Variants in GLRA1 observed in about 807,000 individuals in gnomAD.
GLRA1 encodes glycine receptor subunit alpha-1.
Under a neutral mutation model 48.3 loss-of-function variants are expected in GLRA1, and 37 were observed. The observed-to-expected ratio is 0.77, with a 90% CI of 0.59 to 1.01. The LOEUF is 1.01. Ranked by LOEUF, GLRA1 falls within the 50% of genes least tolerant of loss-of-function variation. GLRA1 has a pLI of 0.00. For synonymous variants in GLRA1, 196 were observed against 210.7 expected, an observed-to-expected ratio of 0.93 and a Z score of 0.60; for missense variants, 427 against 571.0, an observed-to-expected ratio of 0.75 and a Z score of 2.57.
intron 7 of GLRA1, among the ~76,000 whole-genome samples, chr5:151,849,391 C>G (rs536034808): frequency 9.1e-3 from 42 of 4,626 alleles, no homozygotes; most frequent in Non-Finnish European, 0.011. Flanking sequence ...CTTTCCTTTC[C>G]TTTCCTTTCC....
intron 3 of GLRA1, 119 bp downstream of exon 3, chr5:151,886,602 G>T: frequency 1.3e-6 from 1 of 772,606 alleles, no homozygotes; most frequent in East Asian, 2.5e-5. Context: ...TACCACTGGA[G>T]ACTTGAGAAA....
intron 1 of GLRA1, among the ~76,000 whole-genome samples, chr5:151,897,355 C>G (rs1754249651): frequency 6.6e-6 from 1 of 152,152 alleles, no homozygotes; most frequent in Non-Finnish European, 1.5e-5. Context: ...GCTTATAGAC[C>G]ATGAGCTGCT....
At chr5:151,827,299 T>C (rs1763299259) in intron 8 of GLRA1, among the ~76,000 whole-genome samples, 1 of 152,072 alleles carries the variant, frequency 6.6e-6, no homozygotes. Flanking sequence ...TCCTTCAATG[T>C]AGTTTAGAAG....
chr5:151,881,921 GT>G (rs1160908464), intron 3 of GLRA1, among the ~76,000 whole-genome samples: 1 of 152,178 alleles, frequency 6.6e-6, no homozygotes, highest in Non-Finnish European at 1.5e-5. Flanking sequence ...AGCCTGGAAA[GT>G]TTCTGAAACC....
Position 151,893,344 on chromosome 5 carries a change from C to A in GLRA1, c.57-906G>T, listed in dbSNP as rs544750369. On this transcript the variant is annotated intron_variant, in intron 1 of 8. Transcript: ENST00000274576. ...TCTTTCTTTCTTTCTTTCTTTCTTT[C>A]TTTCTTTCTTTCTTTCATTTTAGTT... 3.8e-4 allele frequency among the ~76,000 whole-genome samples: 56 copies of A among 146,506 alleles called. 1 individual carries two copies. The Middle Eastern group carries it at 0.017, about 44-fold the overall frequency.
At chr5:151,849,163 T>TTTTC (rs200250500) in intron 7 of GLRA1, 1,110 of 110,932 alleles carry the variant, frequency 0.01, 103 homozygotes, top group African/African-American at 0.029. Flanking sequence ...TTTTCTTTTC[T>TTTTC]TTTCTTTCTT....
chr5:151,839,481 A>G (rs751522148), intron 7 of GLRA1, among the ~76,000 whole-genome samples: 4 of 152,344 alleles, frequency 2.6e-5, no homozygotes, highest in Middle Eastern at 3.4e-3. Context: ...ATAATAGTGC[A>G]AAGGAAGGGG....
At chr5:151,879,147 C>A (rs1753698065) in intron 3 of GLRA1, among the ~76,000 whole-genome samples, 1 of 152,180 alleles carries the variant, frequency 6.6e-6, no homozygotes, top group Middle Eastern at 3.2e-3. Context: ...ATCAGTGTGA[C>A]CTGCATATGA....
At chr5:151,842,629 C>G (rs1683593973) in intron 7 of GLRA1, among the ~76,000 whole-genome samples, 1 of 152,136 alleles carries the variant, frequency 6.6e-6, no homozygotes, top group South Asian at 2.1e-4. Flanking sequence ...ATGTAAAACC[C>G]ACAGCTAACC....
rs1561554390 is a variant in GLRA1 at position 151,849,141 on chromosome 5, TTTC to T, written c.912+2246_912+2248del. ...CTTTCTTTCTTTCTTTCTTTCTTTC[TTTC>T]TTTCTTTCTTTTCTTTTCTTTTCTT... On this transcript the variant is annotated intron_variant, in intron 7 of 8. Transcript: ENST00000274576. 1.7e-3 allele frequency: 331 copies of T among 196,790 alleles called. 7 individuals carry two copies. Among genetic ancestry groups the T allele is most frequent in the African/African-American group, 0.012 (250 of 21,310 alleles). 12.2% of individuals were successfully genotyped at this position (196,790 alleles called of 1,614,324 possible). A position where few individuals can be genotyped will look rare whatever the true frequency, so the allele number is the denominator to read the frequency against.
chr5:151,860,127 G>C (rs1753157025), intron 3 of GLRA1, 119 bp from the exon 4 acceptor site: 1 of 740,888 alleles, frequency 1.3e-6, no homozygotes, highest in African/African-American at 1.7e-5. Flanking sequence ...AAGTGTGGTT[G>C]CATCTTATAT....
At chr5:151,874,249 C>G (rs1753567070) in intron 3 of GLRA1, among the ~76,000 whole-genome samples, 1 of 152,136 alleles carries the variant, frequency 6.6e-6, no homozygotes, top group African/African-American at 2.4e-5. Context: ...CTGAGTTCCA[C>G]CTTGAGATGA....
In GLRA1 at chr5:151,849,900, G is replaced by A. The variant is rs78591811; in HGVS notation, c.912+1490C>T. 7.7e-4 allele frequency: 1,163 copies of A among 1,519,622 alleles called. 9 individuals are homozygous for A. In the East Asian group the frequency reaches 0.011, roughly 14 times the overall value. 94.1% of individuals were successfully genotyped at this position (1,519,622 alleles called of 1,614,324 possible). A position where few individuals can be genotyped will look rare whatever the true frequency, so the allele number is the denominator to read the frequency against. On this transcript the variant is annotated intron_variant, in intron 7 of 8. Transcript: ENST00000274576. ...ATTTTACAGTCTGAAGGCTCCAACA[G>A]TGACATGCATTTCATGCCTCCTGCC...
At chr5:151,834,872 C>G (rs575322965) in intron 7 of GLRA1, among the ~76,000 whole-genome samples, 3 of 150,752 alleles carry the variant, frequency 2.0e-5, no homozygotes, top group Non-Finnish European at 3.0e-5. Flanking sequence ...CTAAAAAATA[C>G]AAAAAATTAG....
At chr5:151,824,980 T>C (rs1206047006) in intron 8 of GLRA1, among the ~76,000 whole-genome samples, 4 of 152,228 alleles carry the variant, frequency 2.6e-5, no homozygotes, top group Non-Finnish European at 5.9e-5. Flanking sequence ...TAAATGGAGT[T>C]GTATTTTTAG....
intron 1 of GLRA1, among the ~76,000 whole-genome samples, chr5:151,914,417 A>C (rs1754689605): frequency 6.6e-6 from 1 of 152,202 alleles, no homozygotes; most frequent in African/African-American, 2.4e-5. Flanking sequence ...AATCTGGGGC[A>C]TGCGGTGAGA....
In GLRA1 at chr5:151,884,279, A is replaced by C. The variant is rs533427927; in HGVS notation, c.252+2442T>G. Among the ~76,000 whole-genome samples, 3 of 152,220 alleles carry C rather than the reference A, an allele frequency of 2.0e-5. No homozygotes were observed. In the East Asian group the frequency reaches 5.8e-4, roughly 29 times the overall value. ...CCCCATCTCTATCAAAAATACAAAA[A>C]TTAGCTGGGCCTGGTGGTGCATGTC... is the stretch of plus-strand genomic sequence containing the variant. On this transcript the variant is annotated intron_variant, in intron 3 of 8. Coordinates refer to ENST00000274576, the MANE Select transcript of GLRA1 (RefSeq NM_000171.4).
rs1472677655 is a variant in GLRA1, at chr5:151,845,081, G to GA, written c.912+6308_912+6309insT. Among the ~76,000 whole-genome samples, 5 of 152,008 alleles carry GA rather than the reference G, an allele frequency of 3.3e-5. No individual in the cohort carries two copies. In the East Asian group the frequency reaches 9.6e-4, roughly 29 times the overall value. ...TGGGATACATATGCAGAACATGCAG[G>GA]TTTGTTACATAGGTGTATTACCTGT... is the stretch of plus-strand genomic sequence containing the variant. On this transcript the variant is annotated intron_variant, in intron 7 of 8. Transcript: ENST00000274576.
chr5:151,886,642 G>T, intron 3 of GLRA1, 79 bp downstream of exon 3: 1 of 1,073,770 alleles, frequency 9.3e-7, no homozygotes. Context: ...TTCCTTGGTG[G>T]AGACCAATGC....
Sources: allele counts gnomAD v4.1 joint callset (sites outside exome capture counted in the v4.1 genomes callset), GRCh38; gene constraint gnomAD v4.1.1; transcripts MANE v1.5; gene names NCBI Gene and HGNC (gene_info 2026-07-23, HGNC 2026-07-21).